Variants in TASP1 observed in about 807,000 individuals in gnomAD.
TASP1 encodes taspase 1.
TASP1 carries 16 observed loss-of-function variants against 56.6 expected under a neutral mutation model. The ratio of observed to expected loss-of-function variants is 0.28; its 90% CI spans 0.19 to 0.43. The LOEUF is 0.43. TASP1 is among the 20% of genes least tolerant of loss of function. TASP1 has a pLI of 1.00. For synonymous variants in TASP1, 179 were observed against 184.2 expected, an observed-to-expected ratio of 0.97 and a Z score of 0.23; for missense variants, 393 against 511.6, an observed-to-expected ratio of 0.77 and a Z score of 2.24.
chr20:13,389,391 A>C (rs1315136770), downstream of TASP1: 1 of 152,244 alleles, frequency 6.6e-6, no homozygotes, highest in African/African-American at 2.4e-5. Context: ...TAGCTCTCTA[A>C]CCAAGGATTC....
the TASP1 span, among the ~76,000 whole-genome samples, chr20:13,206,218 G>A: frequency 2.6e-5 from 4 of 152,196 alleles, no homozygotes; most frequent in African/African-American, 9.6e-5. Context: ...GGTATCGCCA[G>A]CTCCTGCTTT....
chr20:13,471,865 C>T (rs1037267134), intron 11 of TASP1, among the ~76,000 whole-genome samples: 4 of 152,100 alleles, frequency 2.6e-5, no homozygotes, highest in South Asian at 2.1e-4. Flanking sequence ...AAGCAGGGTG[C>T]GGCATCGCCT....
chr20:13,132,006 G>T, the TASP1 span, among the ~76,000 whole-genome samples: 1 of 151,864 alleles, frequency 6.6e-6, no homozygotes, highest in Non-Finnish European at 1.5e-5. Context: ...CCACAGAAGG[G>T]TCTTTGCACT....
chr20:13,402,104 G>A (rs945845116), intron 13 of TASP1, among the ~76,000 whole-genome samples: 1 of 152,130 alleles, frequency 6.6e-6, no homozygotes, highest in African/African-American at 2.4e-5. Flanking sequence ...CCTACACCAT[G>A]ATTAAAATGA....
At chr20:13,247,550 G>A in the TASP1 span, among the ~76,000 whole-genome samples, 2 of 151,724 alleles carry the variant, frequency 1.3e-5, no homozygotes, top group African/African-American at 4.8e-5. Flanking sequence ...GTGTGTGTGT[G>A]TGTGTGTGTA....
intron 6 of TASP1, among the ~76,000 whole-genome samples, chr20:13,571,589 A>G (rs2046715277): frequency 6.6e-6 from 1 of 152,062 alleles, no homozygotes; most frequent in African/African-American, 2.4e-5. Flanking sequence ...TGGCCCCACT[A>G]TTTTTATGCT....
chr20:13,638,079 A>G (rs2049375408), intron 1 of TASP1, among the ~76,000 whole-genome samples: 1 of 152,190 alleles, frequency 6.6e-6, no homozygotes, highest in South Asian at 2.1e-4. Flanking sequence ...ACTATAGGTG[A>G]TCTCTTCATA....
the TASP1 span, among the ~76,000 whole-genome samples, chr20:13,271,850 CTGCA>C: frequency 0.16 from 23,781 of 152,094 alleles, 1,935 homozygotes; most frequent in East Asian, 0.21. Flanking sequence ...TCATAGCTTA[CTGCA>C]TGCAGCCCCT....
chr20:13,114,626 T>A, the TASP1 span, among the ~76,000 whole-genome samples: 1 of 152,230 alleles, frequency 6.6e-6, no homozygotes, highest in Non-Finnish European at 1.5e-5. Context: ...GATTGAGAAC[T>A]TCAGTGGTAA....
chr20:13,153,480 A>G, the TASP1 span, among the ~76,000 whole-genome samples: 1 of 152,148 alleles, frequency 6.6e-6, no homozygotes, highest in African/African-American at 2.4e-5. Context: ...TCTCAGCAGG[A>G]CTTATCTTTG....
At chr20:13,224,170 C>A in the TASP1 span, among the ~76,000 whole-genome samples, 1 of 152,134 alleles carries the variant, frequency 6.6e-6, no homozygotes, top group African/African-American at 2.4e-5. Context: ...TTCGGTGAGA[C>A]TGTCCACTCA....
Position 13,540,611 on chromosome 20 carries a change from G to T in TASP1, c.676-6470C>A, listed in dbSNP as rs577550755. 1.2e-4 allele frequency among the ~76,000 whole-genome samples: 19 copies of T among 152,312 alleles called. No individual in the cohort carries two copies. The South Asian group carries it at 3.7e-3, about 30-fold the overall frequency. On this transcript the variant is annotated intron_variant, in intron 8 of 13. Transcript: ENST00000337743. Reference sequence around the variant, plus strand: ...AATATGAATAATCTTTCAGACATATGCTGAGCAAAAGAAGCTGGACACAAA... The same window carrying T: ...AATATGAATAATCTTTCAGACATATTCTGAGCAAAAGAAGCTGGACACAAA...
chr20:13,261,228 A>G, the TASP1 span, among the ~76,000 whole-genome samples: 4 of 152,138 alleles, frequency 2.6e-5, no homozygotes, highest in Non-Finnish European at 4.4e-5. Flanking sequence ...AGCCTGGCCA[A>G]CATAGTAAAA....
chr20:13,605,247 T>C (rs1312484390), intron 4 of TASP1, among the ~76,000 whole-genome samples: 1 of 152,088 alleles, frequency 6.6e-6, no homozygotes, highest in African/African-American at 2.4e-5. Context: ...TACATCATGA[T>C]TGTACTGGTG....
At chr20:13,115,275 T>C in the TASP1 span, among the ~76,000 whole-genome samples, 1 of 152,190 alleles carries the variant, frequency 6.6e-6, no homozygotes, top group African/African-American at 2.4e-5. Context: ...TGGGTGAATA[T>C]AACTCTATAA....
At chr20:13,533,491 A>G (rs1211482710) in intron 9 of TASP1, among the ~76,000 whole-genome samples, 1 of 152,184 alleles carries the variant, frequency 6.6e-6, no homozygotes, top group Non-Finnish European at 1.5e-5. Context: ...GACCATCTCC[A>G]TTTCTAGATT....
intron 4 of TASP1, among the ~76,000 whole-genome samples, chr20:13,606,030 G>A (rs1351254350): frequency 6.6e-6 from 1 of 152,128 alleles, no homozygotes; most frequent in Non-Finnish European, 1.5e-5. Flanking sequence ...CCTACCTCAG[G>A]GCTGTTGCAT....
At chr20:13,409,283 T>A (rs1302048237) in intron 13 of TASP1, among the ~76,000 whole-genome samples, 2 of 152,012 alleles carry the variant, frequency 1.3e-5, no homozygotes, top group Admixed American at 1.3e-4. Context: ...TCCTTACTAA[T>A]TTTTATTCAA....
At chr20:13,134,139 C>T in the TASP1 span, among the ~76,000 whole-genome samples, 1 of 152,292 alleles carries the variant, frequency 6.6e-6, no homozygotes, top group Non-Finnish European at 1.5e-5. Flanking sequence ...TATAACAATC[C>T]ACACAGTTCC....
Sources: gnomAD v4.1 joint callset for allele counts (sites outside exome capture counted in the v4.1 genomes callset) on GRCh38, gnomAD v4.1.1 for gene constraint, MANE v1.5 for transcripts, NCBI Gene and HGNC (gene_info 2026-07-23, HGNC 2026-07-21) for gene names.